Variants in CDC42SE2 observed in about 807,000 individuals in gnomAD.
CDC42SE2 encodes CDC42 small effector protein 2.
Under a neutral mutation model 11.5 loss-of-function variants are expected in CDC42SE2, and 3 were observed. The ratio of observed to expected loss-of-function variants is 0.26; its 90% confidence interval spans 0.12 to 0.67. The LOEUF is 0.67. CDC42SE2 is among the 30% of genes least tolerant of loss of function. The pLI is 0.80. For missense variants in CDC42SE2, 82 were observed against 106.8 expected (o/e 0.77, Z 1.02); for synonymous variants, 33 against 34.8 (o/e 0.95, Z 0.18).
At chr5:131,251,184 A>G (rs1756635928) in intron 1 of CDC42SE2, among the ~76,000 whole-genome samples, 1 of 152,238 alleles carries the variant, frequency 6.6e-6, no homozygotes, top group Admixed American at 6.5e-5. Context: ...ATTCAATTAC[A>G]ATTTATCTGT....
chr5:131,289,864 G>A (rs1757415936), intron 1 of CDC42SE2, among the ~76,000 whole-genome samples: 2 of 151,988 alleles, frequency 1.3e-5, no homozygotes, highest in Non-Finnish European at 1.5e-5. Flanking sequence ...CTTAGAAACA[G>A]GGACTCGCTC....
intron 1 of CDC42SE2, among the ~76,000 whole-genome samples, chr5:131,311,014 T>G (rs1359463598): frequency 6.6e-6 from 1 of 151,180 alleles, no homozygotes; most frequent in Non-Finnish European, 1.5e-5. Flanking sequence ...TGCTCGTTAG[T>G]TGATGCAGTT....
chr5:131,231,297 G>A, the CDC42SE2 span, among the ~76,000 whole-genome samples: 4 of 151,884 alleles, frequency 2.6e-5, no homozygotes, highest in African/African-American at 9.7e-5. Flanking sequence ...TTTTGAATCT[G>A]TTTCTGGAAT....
Position 131,393,328 on chromosome 5 carries a change from A to C in CDC42SE2, c.*2237A>C, listed in dbSNP as rs1316387476. The C allele has an allele frequency of 1.0e-4, 16 of 152,476 alleles. No homozygotes were observed. In the East Asian group the frequency reaches 2.6e-3, roughly 25 times the overall value. The allele number at this position is 152,476 out of a possible 1,614,324, so 9.4% of individuals were successfully genotyped here. A position where few individuals can be genotyped will look rare whatever the true frequency, so the allele number is the denominator to read the frequency against. On this transcript the variant is annotated 3_prime_UTR_variant, in exon 5 of 5. Transcript: ENST00000505065. ...GAAAGCATTTCTCCTCCACTTTTTA[A>C]AATTTAATTTACCCAGTACAGCGGG...
chr5:131,251,027 A>C (rs1439915395), intron 1 of CDC42SE2, among the ~76,000 whole-genome samples: 1 of 152,236 alleles, frequency 6.6e-6, no homozygotes, highest in Non-Finnish European at 1.5e-5. Context: ...CTGTCAACCT[A>C]AAACTGCTTT....
chr5:131,296,072 G>C, intron 1 of CDC42SE2, among the ~76,000 whole-genome samples: 1 of 152,128 alleles, frequency 6.6e-6, no homozygotes, highest in East Asian at 1.9e-4. Flanking sequence ...CGACTGTCCT[G>C]TAACACATGG....
chr5:131,388,438 G>C (rs570104833), intron 4 of CDC42SE2, among the ~76,000 whole-genome samples: 1 of 152,316 alleles, frequency 6.6e-6, no homozygotes, highest in South Asian at 2.1e-4. Flanking sequence ...TAAAAGAACT[G>C]AGCAGCTAGT....
intron 1 of CDC42SE2, among the ~76,000 whole-genome samples, chr5:131,269,044 A>C (rs1756938143): frequency 6.6e-6 from 1 of 151,972 alleles, no homozygotes; most frequent in Admixed American, 6.6e-5. Context: ...CCACCGTGCC[A>C]GGCGAGGAAT....
intron 2 of CDC42SE2, among the ~76,000 whole-genome samples, chr5:131,319,309 A>G (rs2149731925): frequency 6.6e-6 from 1 of 152,258 alleles, no homozygotes; most frequent in Admixed American, 6.5e-5. Flanking sequence ...TGGAATTCGA[A>G]ACCACTTACT....
intron 1 of CDC42SE2, among the ~76,000 whole-genome samples, chr5:131,264,506 C>T (rs552136473): frequency 6.6e-6 from 1 of 151,480 alleles, no homozygotes; most frequent in Non-Finnish European, 1.5e-5. Flanking sequence ...CCCCCTCCCC[C>T]CAACTTTTCA....
At chr5:131,308,858 G>A (rs944525241) in intron 1 of CDC42SE2, among the ~76,000 whole-genome samples, 1 of 152,108 alleles carries the variant, frequency 6.6e-6, no homozygotes, top group African/African-American at 2.4e-5. Context: ...GAGATGATGG[G>A]GTTTTCTAGC....
chr5:131,333,758 G>A (rs2149743914), intron 2 of CDC42SE2, among the ~76,000 whole-genome samples: 1 of 151,998 alleles, frequency 6.6e-6, no homozygotes, highest in East Asian at 1.9e-4. Flanking sequence ...TCATGATTTG[G>A]CTCTCTGTCT....
At chr5:131,230,400 G>A in the CDC42SE2 span, among the ~76,000 whole-genome samples, 1 of 152,180 alleles carries the variant, frequency 6.6e-6, no homozygotes, top group Non-Finnish European at 1.5e-5. Context: ...TTTCAAACAG[G>A]AAAGTTAGCT....
chr5:131,307,050 CTTCCTTTTTTTTTAATTTTT>C (rs1370455160), intron 1 of CDC42SE2, among the ~76,000 whole-genome samples: 2 of 151,544 alleles, frequency 1.3e-5, no homozygotes, highest in Admixed American at 1.3e-4. Context: ...AATTTCTCTT[CTTCCTTTTTTTTTAATTTTT>C]TTATTATTAT....
the CDC42SE2 span, among the ~76,000 whole-genome samples, chr5:131,234,326 T>C: frequency 6.6e-6 from 1 of 152,086 alleles, no homozygotes; most frequent in Non-Finnish European, 1.5e-5. Flanking sequence ...AGGAGATAGA[T>C]AGATAGATAA....
rs184637568 is a variant in CDC42SE2, at chr5:131,305,133, T to A, written c.-454-10843T>A. ...AATTATACAGTATATACTCTTTGTGTGGCTTCTTTGACTCAGCATAATTAT... is the reference window on the plus strand; with the variant it reads ...AATTATACAGTATATACTCTTTGTGAGGCTTCTTTGACTCAGCATAATTAT... On this transcript the variant is annotated intron_variant, in intron 1 of 4. Transcript: ENST00000505065. 2.6e-3 allele frequency among the ~76,000 whole-genome samples: 400 copies of A among 152,270 alleles called. 4 individuals are homozygous for A. The highest frequency in any genetic ancestry group is 4.6e-3 in the Non-Finnish European group (315 of 68,022).
intron 1 of CDC42SE2, among the ~76,000 whole-genome samples, chr5:131,271,263 A>G (rs1315537016): frequency 6.6e-6 from 1 of 152,150 alleles, no homozygotes; most frequent in Admixed American, 6.6e-5. Flanking sequence ...CATAGACACA[A>G]TTTCATTAAT....
At chr5:131,326,106 ATTTT>A (rs552218201) in intron 2 of CDC42SE2, among the ~76,000 whole-genome samples, 1 of 143,484 alleles carries the variant, frequency 7.0e-6, no homozygotes, top group African/African-American at 2.5e-5. Flanking sequence ...TACAAACGAG[ATTTT>A]TTTTTTTTTT....
At position 131,333,227 on chromosome 5, in the gene CDC42SE2, C is replaced by A. The variant is rs187596807; in HGVS notation, c.-286+17083C>A. ...CAGCACCATTTATTAAATAGGGAATCCTTTCCCCATTTCTTCTTTTTGTCA... is the reference window on the plus strand; with the variant it reads ...CAGCACCATTTATTAAATAGGGAATACTTTCCCCATTTCTTCTTTTTGTCA... On this transcript the variant is annotated intron_variant, in intron 2 of 4. Coordinates refer to ENST00000505065, the MANE Select transcript of CDC42SE2 (RefSeq NM_001375635.1). Among the ~76,000 whole-genome samples the A allele has an allele frequency of 4.1e-3, 629 of 152,290 alleles. 4 individuals carry two copies. Among genetic ancestry groups the A allele is most frequent in the African/African-American group, 0.013 (545 of 41,548 alleles).
Sources: allele counts gnomAD v4.1 joint callset (sites outside exome capture counted in the v4.1 genomes callset), GRCh38; gene constraint gnomAD v4.1.1; transcripts MANE v1.5; gene names NCBI Gene and HGNC (gene_info 2026-07-23, HGNC 2026-07-21).